The following ARHGAP32 variants were observed in gnomAD, a reference collection of about 807,000 sequenced individuals.
ARHGAP32 encodes the protein rho GTPase-activating protein 32.
Under a neutral mutation model 186.5 loss-of-function variants are expected in ARHGAP32, and 51 were observed. The ratio of observed to expected loss-of-function variants is 0.27; its 90% CI spans 0.22 to 0.35. ARHGAP32 has a LOEUF of 0.35. Among genes scored for constraint, ARHGAP32 ranks in the 10% least tolerant of loss-of-function variants. The probability of loss-of-function intolerance (pLI) is 1.00; values close to 1 mark genes in which losing one functional copy is unlikely to be tolerated. For missense variants in ARHGAP32, 2,186 were observed against 2,623.5 expected, an observed-to-expected ratio of 0.83 and a Z score of 3.64; for synonymous variants, 950 against 964.3, an observed-to-expected ratio of 0.99 and a Z score of 0.27.
At chr11:129,089,636 G>A (rs1475489046) in intron 6 of ARHGAP32, among the ~76,000 whole-genome samples, 3 of 152,136 alleles carry the variant, frequency 2.0e-5, no homozygotes, top group African/African-American at 4.8e-5. Context: ...CGTAGACCTC[G>A]GTAAGCAGTT....
chr11:129,006,955 C>T (rs893298628), intron 11 of ARHGAP32, among the ~76,000 whole-genome samples: 9 of 152,120 alleles, frequency 5.9e-5, no homozygotes, highest in East Asian at 1.9e-4. Flanking sequence ...CACAGTCTTT[C>T]CTACTCTTCT....
intron 2 of ARHGAP32, among the ~76,000 whole-genome samples, chr11:129,135,766 C>CA (rs35164099): frequency 0.19 from 29,179 of 150,158 alleles, 2,997 homozygotes; most frequent in Non-Finnish European, 0.23. Flanking sequence ...GACTCCATCT[C>CA]AAAAAAAAAC....
upstream of ARHGAP32, among the ~76,000 whole-genome samples, chr11:129,193,343 T>G (rs1322744387): frequency 1.0e-5 from 1 of 95,380 alleles, no homozygotes; most frequent in African/African-American, 4.4e-5. Flanking sequence ...AACAGCCAAG[T>G]GTGGTGGTGC....
At chr11:129,244,260 G>A (rs1425546579) in intron 1 of ARHGAP32, among the ~76,000 whole-genome samples, 3 of 152,206 alleles carry the variant, frequency 2.0e-5, no homozygotes, top group Non-Finnish European at 4.4e-5. Flanking sequence ...AACTGAGTCA[G>A]AGAGATAATT....
chr11:129,211,031 A>G (rs1318121457), intron 1 of ARHGAP32, among the ~76,000 whole-genome samples: 2 of 151,968 alleles, frequency 1.3e-5, no homozygotes, highest in Non-Finnish European at 2.9e-5. Context: ...GCACTTCCTC[A>G]TTTTTTGTGT....
At chr11:129,174,625 TCCCTGAC>T (rs1209303910) in intron 1 of ARHGAP32, among the ~76,000 whole-genome samples, 1 of 152,136 alleles carries the variant, frequency 6.6e-6, no homozygotes, top group Non-Finnish European at 1.5e-5. Flanking sequence ...CTCAAGTGGG[TCCCTGAC>T]CCCTGACCCC....
Position 129,123,465 on chromosome 11 carries a change from A to G in ARHGAP32, c.425T>C (p.Val142Ala), listed in dbSNP as rs1395915457. Reference protein sequence around the residue: ...AECAHFHYENVEFGSIQLSLS... With the variant: ...AECAHFHYENAEFGSIQLSLS... ...GTATACCTGTATGCTGCCGAACTCA[A>G]CATTCTCATAATGGAAATGCGCACA... Residue 142 changes from valine to alanine, a missense_variant, in exon 5 of 23, where the codon GTT becomes GCT. This residue lies in a region of ARHGAP32 where 308 missense variants were observed against 596.5 expected (regional missense o/e 0.52). Transcript: ENST00000682385. This position sits in a 1 kb window ranked among gnomAD's most constrained non-coding sequence, Gnocchi z 4.6. The G allele has an allele frequency of 1.2e-6, 2 of 1,612,738 alleles. No individual in the cohort carries two copies. The highest frequency in any genetic ancestry group is 1.7e-6 in the Non-Finnish European group (2 of 1,179,102).
rs759435267 is a variant in ARHGAP32, at chr11:128,967,204, AAAAT to A, written c.*1699_*1702del. Reference sequence around the variant, plus strand: ...ACCCTTAAAATGCACATTATTTTTTAAAATAAAAACTGGCATGAATCCTAATCTT... The same window carrying A: ...ACCCTTAAAATGCACATTATTTTTTAAAAAACTGGCATGAATCCTAATCTT... On this transcript the variant is annotated 3_prime_UTR_variant, in exon 23 of 23. Transcript: ENST00000682385. 1 of 152,232 alleles carries A rather than the reference AAAAT, an allele frequency of 6.6e-6. No individual in the cohort carries two copies. The highest frequency in any genetic ancestry group is 2.4e-5 in the African/African-American group (1 of 41,454). 9.4% of individuals were successfully genotyped at this position (152,232 alleles called of 1,614,324 possible).
chr11:129,073,435 G>T (rs1940932974), intron 6 of ARHGAP32, among the ~76,000 whole-genome samples: 1 of 152,176 alleles, frequency 6.6e-6, no homozygotes, highest in South Asian at 2.1e-4. Context: ...ATCAAAAGCA[G>T]AAATGATGAA....
intron 1 of ARHGAP32, among the ~76,000 whole-genome samples, chr11:129,264,271 T>C (rs1174506130): frequency 2.0e-5 from 3 of 152,206 alleles, no homozygotes; most frequent in Non-Finnish European, 2.9e-5. Context: ...TTCACAGTCA[T>C]AGAGTTTTAG....
intron 1 of ARHGAP32, among the ~76,000 whole-genome samples, chr11:129,263,610 G>A (rs1187845479): frequency 3.4e-5 from 5 of 148,646 alleles, no homozygotes; most frequent in Non-Finnish European, 7.5e-5. Context: ...AGGAAAATGG[G>A]GAGCGGGGAG....
chr11:129,242,518 A>C (rs1945032360), intron 1 of ARHGAP32, among the ~76,000 whole-genome samples: 1 of 152,158 alleles, frequency 6.6e-6, no homozygotes, highest in Non-Finnish European at 1.5e-5. Flanking sequence ...GGAGATCGAG[A>C]CCATCCTGGC....
chr11:128,973,975 G>T, intron 21 of ARHGAP32, 149 bp downstream of exon 21: 2 of 914,806 alleles, frequency 2.2e-6, no homozygotes, highest in Non-Finnish European at 3.3e-6. Context: ...TTTAATTTAG[G>T]GCTCTGAGCC....
intron 11 of ARHGAP32, among the ~76,000 whole-genome samples, chr11:128,999,209 C>CTAA (rs776607990): frequency 1.1e-4 from 17 of 152,272 alleles, no homozygotes; most frequent in Non-Finnish European, 2.4e-4. Flanking sequence ...GGGGAGGTCT[C>CTAA]TAACATGGCC....
In ARHGAP32 at chr11:129,136,326, C is replaced by T. The variant is rs970226693; in HGVS notation, c.226-11432G>A. Among the ~76,000 whole-genome samples the T allele has an allele frequency of 7.2e-5, 11 of 152,192 alleles. No homozygotes were observed. The East Asian group carries it at 7.7e-4, about 11-fold the overall frequency. On this transcript the variant is annotated intron_variant, in intron 2 of 22. Coordinates refer to ENST00000682385, the MANE Select transcript of ARHGAP32 (RefSeq NM_001378024.1). ...TGCAGGATTTCATGTATAAAAACAA[C>T]GATTACCTTTGGTGGGAAAGATAAT...
chr11:129,128,809 T>C (rs1371661926), intron 2 of ARHGAP32, among the ~76,000 whole-genome samples: 1 of 152,216 alleles, frequency 6.6e-6, no homozygotes, highest in Non-Finnish European at 1.5e-5. Context: ...GGTCTCCAGC[T>C]CCTGACCGCA....
chr11:129,219,697 T>C (rs1481604215), intron 1 of ARHGAP32, among the ~76,000 whole-genome samples: 5 of 152,162 alleles, frequency 3.3e-5, no homozygotes, highest in Admixed American at 3.3e-4. Flanking sequence ...TAGCATACTA[T>C]GCATAAAGAT....
chr11:129,076,984 G>A (rs1392021204), intron 6 of ARHGAP32, among the ~76,000 whole-genome samples: 4 of 152,202 alleles, frequency 2.6e-5, no homozygotes, highest in African/African-American at 9.6e-5. Context: ...CATCCTCACT[G>A]GGGAACCCGA....
chr11:129,121,921 C>A (rs1285269262), intron 5 of ARHGAP32, among the ~76,000 whole-genome samples: 1 of 151,944 alleles, frequency 6.6e-6, no homozygotes, highest in Non-Finnish European at 1.5e-5. Context: ...TATTCCCTAC[C>A]CACATCTTCA....
Sources: allele counts gnomAD v4.1 joint callset (sites outside exome capture counted in the v4.1 genomes callset), GRCh38; gene constraint gnomAD v4.1.1; regional missense constraint gnomAD v4.1.1; non-coding constraint Gnocchi (gnomAD v3.1); transcripts MANE v1.5; gene names NCBI Gene and HGNC (gene_info 2026-07-23, HGNC 2026-07-21).